Variants in ZNF578 observed in about 807,000 individuals in gnomAD.
ZNF578 encodes zinc finger protein 578, also known as Putative chemokine-related protein B42.
ZNF578 carries 8 observed loss-of-function variants against 8.3 expected under a neutral mutation model. The observed-to-expected ratio is 0.96, with a 90% CI of 0.56 to 1.74. ZNF578 has a LOEUF of 1.74. Among genes scored for constraint, ZNF578 ranks in the 40% most tolerant of loss-of-function variants. The pLI is 0.00. For missense variants in ZNF578, 726 were observed against 707.5 expected (o/e 1.03, Z -0.30); for synonymous variants, 206 against 232.2 (o/e 0.89, Z 1.03).
chr19:52,480,220 A>C, intron 2 of ZNF578, among the ~76,000 whole-genome samples: 1 of 152,082 alleles, frequency 6.6e-6, no homozygotes, highest in East Asian at 1.9e-4. Flanking sequence ...ATGAATCTTA[A>C]AATGCTTCCT....
intron 2 of ZNF578, among the ~76,000 whole-genome samples, chr19:52,462,155 G>A (rs1188738324): frequency 6.6e-6 from 1 of 152,158 alleles, no homozygotes; most frequent in Admixed American, 6.5e-5. Context: ...TGAGATTGTT[G>A]ACACCTCTCT....
At chr19:52,459,379 CTAGTG>C (rs888331661) in intron 2 of ZNF578, among the ~76,000 whole-genome samples, 8 of 152,052 alleles carry the variant, frequency 5.3e-5, no homozygotes, top group African/African-American at 1.9e-4. Context: ...CTTATTTTCC[CTAGTG>C]TAATGTCCTC....
At chr19:52,498,017 A>G (rs1172099872) in intron 3 of ZNF578, among the ~76,000 whole-genome samples, 3 of 152,164 alleles carry the variant, frequency 2.0e-5, no homozygotes, top group Admixed American at 6.5e-5. Flanking sequence ...TTAAACACCT[A>G]TTGCTGTGTG....
intron 5 of ZNF578, among the ~76,000 whole-genome samples, chr19:52,507,965 C>T (rs1332171690): frequency 6.6e-6 from 1 of 152,166 alleles, no homozygotes; most frequent in Non-Finnish European, 1.5e-5. Flanking sequence ...AGGAGACTCA[C>T]TTGAATCTGG....
intron 3 of ZNF578, among the ~76,000 whole-genome samples, chr19:52,498,140 A>G (rs1267038642): frequency 6.6e-6 from 1 of 152,074 alleles, no homozygotes; most frequent in African/African-American, 2.4e-5. Flanking sequence ...GGTATATAAG[A>G]TGGTCCTGGA....
chr19:52,458,266 T>C (rs2059245386), intron 2 of ZNF578: 2 of 152,440 alleles, frequency 1.3e-5, no homozygotes, highest in Non-Finnish European at 2.9e-5. Flanking sequence ...ATTGTGGTAT[T>C]CCTGCAGAGA....
Position 52,512,237 on chromosome 19 carries a change from A to G in ZNF578, c.*83A>G. ...CAGATCACGCCTTAAAAGACATAGG[A>G]GAATTCATACTGGAGAGAAACCTTA... On this transcript the variant is annotated 3_prime_UTR_variant, in exon 6 of 6. Coordinates refer to ENST00000421239, the MANE Select transcript of ZNF578 (RefSeq NM_001099694.2). 1 of 1,592,284 alleles carries G rather than the reference A, an allele frequency of 6.3e-7. No homozygotes were observed. Among genetic ancestry groups the G allele is most frequent in the Non-Finnish European group, 8.6e-7 (1 of 1,163,258 alleles).
intron 3 of ZNF578, among the ~76,000 whole-genome samples, chr19:52,495,012 C>G (rs947155199): frequency 2.0e-5 from 3 of 147,290 alleles, no homozygotes; most frequent in Non-Finnish European, 4.5e-5. Context: ...TTTTTTTTTT[C>G]TTTGTTTGTT....
chr19:52,500,948 G>A (rs1405541313), intron 3 of ZNF578, among the ~76,000 whole-genome samples: 2 of 148,628 alleles, frequency 1.3e-5, no homozygotes, highest in Non-Finnish European at 3.0e-5. Context: ...GTGGGATCTC[G>A]GCTCACTGCA....
At chr19:52,459,650 C>CACACAT (rs1340389548) in intron 2 of ZNF578, among the ~76,000 whole-genome samples, 35 of 84,818 alleles carry the variant, frequency 4.1e-4, no homozygotes, top group African/African-American at 1.2e-3. Context: ...CACACACACA[C>CACACAT]ATATATATAC....
chr19:52,516,752 G>T lies in ZNF578; in HGVS notation c.*4598G>T, dbSNP rs2059478289. Among the ~76,000 whole-genome samples, 1 of 152,010 alleles carries T rather than the reference G, an allele frequency of 6.6e-6. No homozygotes were observed. Among genetic ancestry groups the T allele is most frequent in the African/African-American group, 2.4e-5 (1 of 41,364 alleles). On this transcript the variant is annotated 3_prime_UTR_variant, in exon 6 of 6. Coordinates refer to ENST00000421239, the MANE Select transcript of ZNF578 (RefSeq NM_001099694.2). ...ATCCACCCCCTGCCTGCAAAGCATT[G>T]CCCCTAACTCCACCGCCTGTCCCAA... is the stretch of plus-strand genomic sequence containing the variant.
At chr19:52,487,576 G>T in intron 2 of ZNF578, among the ~76,000 whole-genome samples, 1 of 152,156 alleles carries the variant, frequency 6.6e-6, no homozygotes, top group Non-Finnish European at 1.5e-5. Flanking sequence ...AGGATGAGGA[G>T]GGCAAGGGGT....
intron 1 of ZNF578, chr19:52,455,349 G>A (rs1286100478): frequency 6.6e-6 from 1 of 152,060 alleles, no homozygotes; most frequent in African/African-American, 2.4e-5. Flanking sequence ...ATAGGCATGT[G>A]CTACCACACC....
At chr19:52,465,123 C>T (rs1394987538) in intron 2 of ZNF578, among the ~76,000 whole-genome samples, 1 of 152,114 alleles carries the variant, frequency 6.6e-6, no homozygotes, top group African/African-American at 2.4e-5. Context: ...CATGAAATTC[C>T]CCCAACTGTT....
At chr19:52,500,763 T>A (rs2059403998) in intron 3 of ZNF578, among the ~76,000 whole-genome samples, 1 of 152,048 alleles carries the variant, frequency 6.6e-6, no homozygotes, top group East Asian at 1.9e-4. Flanking sequence ...TGACTTTGAA[T>A]AGAAGGGGAG....
chr19:52,511,200 C>G lies in ZNF578; in HGVS notation c.819C>G (p.Tyr273Ter), dbSNP rs2059444329. 1 of 1,614,210 alleles carries G rather than the reference C, an allele frequency of 6.2e-7. No individual in the cohort carries two copies. Among genetic ancestry groups the G allele is most frequent in the Non-Finnish European group, 8.5e-7 (1 of 1,180,040 alleles). ...GCAAAGTCTTTAATGAGAAGCGATACCTTGCACGCCATCGTAGATGTCACA... is the reference window on the plus strand; with the variant it reads ...GCAAAGTCTTTAATGAGAAGCGATAGCTTGCACGCCATCGTAGATGTCACA... ...ICGKVFNEKR[Y>*]LARHRRCHTS... The change falls in exon 6 of 6, where the codon TAC (tyrosine) becomes TAG (stop). Residue 273 changes from tyrosine (Y) to a stop codon, truncating the protein, a stop_gained. Coordinates refer to ENST00000421239, the MANE Select transcript of ZNF578 (RefSeq NM_001099694.2). LOFTEE classifies it low-confidence loss of function (END_TRUNC).
intron 2 of ZNF578, among the ~76,000 whole-genome samples, chr19:52,459,771 T>TA (rs1568454222): frequency 2.1e-4 from 3 of 14,588 alleles, no homozygotes; most frequent in Non-Finnish European, 3.2e-4. Flanking sequence ...ATATATATAT[T>TA]TTTTTTTTTT....
intron 2 of ZNF578, among the ~76,000 whole-genome samples, chr19:52,469,168 T>TTTG (rs386389230): frequency 2.2e-3 from 8 of 3,648 alleles, no homozygotes; most frequent in Non-Finnish European, 8.3e-3. Context: ...TTTTTTTTTG[T>TTTG]TTTTTTTTTT....
At chr19:52,461,044 C>T (rs1167764322) in intron 2 of ZNF578, among the ~76,000 whole-genome samples, 2 of 152,176 alleles carry the variant, frequency 1.3e-5, no homozygotes, top group Admixed American at 6.5e-5. Flanking sequence ...GATCCTCCAA[C>T]GGTCCATTTA....
Sources: allele counts gnomAD v4.1 joint callset (sites outside exome capture counted in the v4.1 genomes callset), GRCh38; gene constraint gnomAD v4.1.1; transcripts MANE v1.5; gene names NCBI Gene and HGNC (gene_info 2026-07-23, HGNC 2026-07-21).